Variants in MAP4K5 observed in about 807,000 individuals in gnomAD.
MAP4K5 encodes mitogen-activated protein kinase kinase kinase kinase 5.
Under a neutral mutation model 135.6 loss-of-function variants are expected in MAP4K5, and 82 were observed. The observed-to-expected ratio is 0.60, with a 90% CI of 0.51 to 0.73. The LOEUF is 0.73. Among genes scored for constraint, MAP4K5 ranks in the 30% least tolerant of loss-of-function variants. MAP4K5 has a pLI of 0.00. For missense variants in MAP4K5, 907 were observed against 1,010.9 expected, an observed-to-expected ratio of 0.90 and a Z score of 1.39; for synonymous variants, 347 against 335.0, an observed-to-expected ratio of 1.04 and a Z score of -0.39.
intron 9 of MAP4K5, chr14:50,471,688 T>G (rs749299757): frequency 6.6e-6 from 1 of 152,206 alleles, no homozygotes; most frequent in African/African-American, 2.4e-5. Context: ...TGCGAAAGAA[T>G]TAAGTTGTCT....
upstream of MAP4K5, among the ~76,000 whole-genome samples, chr14:50,537,394 G>A (rs191092572): frequency 9.8e-5 from 15 of 152,300 alleles, no homozygotes; most frequent in East Asian, 2.3e-3. Flanking sequence ...GTGCCCTCAC[G>A]GAGAACCTCT....
At chr14:50,462,306 G>A (rs2036728838) in intron 13 of MAP4K5, among the ~76,000 whole-genome samples, 1 of 152,126 alleles carries the variant, frequency 6.6e-6, no homozygotes, top group South Asian at 2.1e-4. Context: ...CTAGAGATAA[G>A]GGCAATCACT....
chr14:50,515,735 T>C (rs2038021846), intron 2 of MAP4K5, among the ~76,000 whole-genome samples: 1 of 152,242 alleles, frequency 6.6e-6, no homozygotes, highest in Admixed American at 6.5e-5. Flanking sequence ...CTTCAAACTT[T>C]CAATGATCCC....
intron 6 of MAP4K5, among the ~76,000 whole-genome samples, chr14:50,482,120 T>A (rs935970431): frequency 1.3e-5 from 2 of 152,224 alleles, no homozygotes; most frequent in Non-Finnish European, 2.9e-5. Context: ...GAATTCCACA[T>A]ATGATCACTG....
chr14:50,469,265 C>T (rs917198047), intron 9 of MAP4K5, among the ~76,000 whole-genome samples: 8 of 152,244 alleles, frequency 5.3e-5, no homozygotes, highest in African/African-American at 1.7e-4. Context: ...TTGCTGGCTA[C>T]CAGTCTGTGA....
Position 50,446,081 on chromosome 14 carries a change from T to C in MAP4K5, c.1183A>G (p.Lys395Glu). 3 of 1,558,864 alleles carry C rather than the reference T, an allele frequency of 1.9e-6. No individual in the cohort carries two copies. The South Asian group carries it at 3.7e-5, about 19-fold the overall frequency. The change falls in exon 17 of 33, where the codon AAG (lysine) becomes GAG (glutamate). Residue 395 changes from lysine to glutamate, a missense_variant and splice_region_variant. Physicochemically the swap from Lys to Glu is moderately conservative, Grantham distance 56. Around this residue, in one of 3 missense-constraint regions of MAP4K5, gnomAD observed 690 missense variants for 777.4 expected, o/e 0.89. Transcript: ENST00000682126. ...KRAIPPPLPP[K>E]PRISSYPEDN... The stretch of plus-strand genomic sequence containing the variant: ...TTCAAAATCATTAAGTAGCTCACCT[T>C]AGGAGGTAGGGGAGGTGGTATTGCA...
intron 3 of MAP4K5, among the ~76,000 whole-genome samples, chr14:50,496,282 T>C (rs2037591349): frequency 6.6e-6 from 1 of 151,822 alleles, no homozygotes; most frequent in Admixed American, 6.6e-5. Flanking sequence ...GCCAAGATTG[T>C]GCCATTGCAC....
chr14:50,522,117 G>A (rs115806443), intron 2 of MAP4K5, among the ~76,000 whole-genome samples: 21 of 152,156 alleles, frequency 1.4e-4, no homozygotes, highest in African/African-American at 5.1e-4. Flanking sequence ...AAGTCAATCT[G>A]TATTCTATCC....
intron 1 of MAP4K5, among the ~76,000 whole-genome samples, chr14:50,544,017 T>G (rs1276144512): frequency 6.6e-6 from 1 of 152,228 alleles, no homozygotes; most frequent in African/African-American, 2.4e-5. Flanking sequence ...GTTGGGGTGA[T>G]TGATTCTAAC....
intron 14 of MAP4K5, chr14:50,456,136 T>C (rs2036589826): frequency 5.1e-5 from 13 of 255,716 alleles, no homozygotes; most frequent in South Asian, 4.8e-4. Context: ...ATTAATTCTA[T>C]TGTTAAGTGA....
At chr14:50,448,916 G>T in intron 14 of MAP4K5, 84 bp from the exon 15 acceptor site, 2 of 677,314 alleles carry the variant, frequency 3.0e-6, no homozygotes, top group Non-Finnish European at 5.2e-6. Flanking sequence ...TGTATATGGG[G>T]TGGGGGAGGG....
intron 1 of MAP4K5, among the ~76,000 whole-genome samples, chr14:50,558,147 T>A (rs1174885667): frequency 6.6e-6 from 1 of 152,156 alleles, no homozygotes; most frequent in Non-Finnish European, 1.5e-5. Flanking sequence ...GGCAGATCGC[T>A]TGAGCTCATG....
chr14:50,556,312 C>A (rs558124387), intron 1 of MAP4K5, among the ~76,000 whole-genome samples: 18 of 152,236 alleles, frequency 1.2e-4, no homozygotes, highest in African/African-American at 3.9e-4. Context: ...AACTCCTGGG[C>A]TCAAGGGATC....
intron 31 of MAP4K5, among the ~76,000 whole-genome samples, chr14:50,424,795 T>C (rs572112339): frequency 3.9e-5 from 6 of 152,014 alleles, no homozygotes; most frequent in Non-Finnish European, 7.4e-5. Flanking sequence ...GGACCTTCTG[T>C]AGATTTCTAA....
intron 6 of MAP4K5, among the ~76,000 whole-genome samples, chr14:50,479,517 T>C (rs2037190127): frequency 6.6e-6 from 1 of 152,222 alleles, no homozygotes; most frequent in Non-Finnish European, 1.5e-5. Context: ...ATTTCATCCT[T>C]TGTTAATTCC....
intron 30 of MAP4K5, among the ~76,000 whole-genome samples, chr14:50,427,650 A>C (rs993754879): frequency 4.6e-5 from 7 of 152,332 alleles, no homozygotes; most frequent in Non-Finnish European, 7.4e-5. Flanking sequence ...ATATCATGAA[A>C]TGTTTAAAAA....
chr14:50,460,132 T>A (rs1185379291), intron 13 of MAP4K5, among the ~76,000 whole-genome samples: 1 of 152,180 alleles, frequency 6.6e-6, no homozygotes, highest in Non-Finnish European at 1.5e-5. Flanking sequence ...ATCCTTCAGG[T>A]TTTCAGCTTA....
At chr14:50,476,635 A>T in intron 6 of MAP4K5, among the ~76,000 whole-genome samples, 1 of 151,840 alleles carries the variant, frequency 6.6e-6, no homozygotes, top group South Asian at 2.1e-4. Context: ...TAATTTTTGT[A>T]TTTTTTAGTA....
intron 15 of MAP4K5, 76 bp downstream of exon 15, chr14:50,448,698 A>G: frequency 1.3e-6 from 1 of 790,496 alleles, no homozygotes; most frequent in Non-Finnish European, 2.0e-6. Flanking sequence ...TTGTTTTCTA[A>G]TCAAAGTACA....
Sources: allele counts gnomAD v4.1 joint callset (sites outside exome capture counted in the v4.1 genomes callset), GRCh38; gene constraint gnomAD v4.1.1; regional missense constraint gnomAD v4.1.1; transcripts MANE v1.5; gene names NCBI Gene and HGNC (gene_info 2026-07-23, HGNC 2026-07-21).